The following GRTP1 variants were observed in gnomAD, a reference collection of about 807,000 sequenced individuals.
GRTP1 encodes the protein growth hormone-regulated TBC protein 1.
GRTP1 carries 56 observed loss-of-function variants against 38.1 expected under a neutral mutation model. That is an observed-to-expected ratio of 1.47 (90% CI 1.19 to 1.84). The LOEUF (loss-of-function observed/expected upper bound fraction) is 1.84. Among genes scored for constraint, GRTP1 ranks in the 40% most tolerant of loss-of-function variants. GRTP1 has a pLI of 0.00. For missense variants in GRTP1, 506 were observed against 453.9 expected (o/e 1.11, Z -1.04); for synonymous variants, 217 against 189.5 (o/e 1.14, Z -1.19).
intron 3 of GRTP1, 77 bp downstream of exon 3, chr13:113,355,246 G>A (rs1345319703): frequency 1.7e-5 from 25 of 1,496,674 alleles, no homozygotes; most frequent in Admixed American, 9.4e-5. Context: ...CCTGGACGCT[G>A]AGGCTAGACA....
rs867737776 is a variant in GRTP1 at position 113,346,036 on chromosome 13, A to T, written c.466-1077T>A. The stretch of plus-strand genomic sequence containing the variant: ...TGCGGCTGAGCAGACCTGGGAAGAC[A>T]TCTGTGGCCGAGAGCAGACCCGGGA... On this transcript the variant is annotated intron_variant, in intron 4 of 7. Coordinates refer to ENST00000375431, the MANE Select transcript of GRTP1 (RefSeq NM_024719.4). Among the ~76,000 whole-genome samples, 7 of 30,424 alleles carry T rather than the reference A, an allele frequency of 2.3e-4. No individual in the cohort carries two copies. In the South Asian group the frequency reaches 6.4e-3, roughly 28 times the overall value. The allele number at this position is 30,424 out of a possible 152,430, so 20.0% of individuals were successfully genotyped here.
chr13:113,332,497 A>G (rs2139413545), intron 5 of GRTP1, among the ~76,000 whole-genome samples: 1 of 152,088 alleles, frequency 6.6e-6, no homozygotes, highest in East Asian at 1.9e-4. Flanking sequence ...CTGCACACTC[A>G]CTGCCCCATC....
At position 113,343,601 on chromosome 13, in the gene GRTP1, G is replaced by C. The variant is rs1004318864; in HGVS notation, c.562+1262C>G. 4.6e-5 allele frequency among the ~76,000 whole-genome samples: 7 copies of C among 152,194 alleles called. No individual in the cohort carries two copies. The highest frequency in any genetic ancestry group is 1.7e-4 in the African/African-American group (7 of 41,436). ...GCTCTGCCATGTACAGCGGTGGTCA[G>C]GCCAGCACGCAAATTCTCCCGGCCT... On this transcript the variant is annotated intron_variant, in intron 5 of 7. Transcript: ENST00000375431. The surrounding 1 kb of genome is among the most constrained non-coding windows in gnomAD (Gnocchi z 4.8).
chr13:113,354,385 C>T (rs188073332), intron 3 of GRTP1, among the ~76,000 whole-genome samples: 1 of 152,304 alleles, frequency 6.6e-6, no homozygotes, highest in Admixed American at 6.5e-5. Context: ...CCTCCCCGTC[C>T]CGTCTTTCTA....
chr13:113,331,816 C>T (rs558791266), intron 5 of GRTP1, among the ~76,000 whole-genome samples: 4 of 151,144 alleles, frequency 2.6e-5, no homozygotes, highest in Non-Finnish European at 5.9e-5. Flanking sequence ...ACACCAGGCC[C>T]GGCTAATTTT....
intron 5 of GRTP1, among the ~76,000 whole-genome samples, chr13:113,341,131 G>C (rs1316340444): frequency 6.7e-6 from 1 of 149,544 alleles, no homozygotes; most frequent in South Asian, 2.1e-4. Context: ...ACTACAGCCT[G>C]TTCTAAACTC....
intron 2 of GRTP1, 179 bp from the exon 3 acceptor site, chr13:113,355,660 C>T: frequency 1.5e-6 from 1 of 650,040 alleles, no homozygotes; most frequent in Non-Finnish European, 2.4e-6. Flanking sequence ...ATTCTGCTCT[C>T]CTCTCCCTCT....
rs903096723 is a variant in GRTP1, at chr13:113,324,913, G to C, written c.922-336C>G. On this transcript the variant is annotated intron_variant, in intron 7 of 7. Coordinates refer to ENST00000375431, the MANE Select transcript of GRTP1 (RefSeq NM_024719.4). Reference sequence around the variant, plus strand: ...GCGATCTCGGCTCACTGCAACCTCCGCCTCCCAGGTTCAAGTGATTCTCGT... The same window carrying C: ...GCGATCTCGGCTCACTGCAACCTCCCCCTCCCAGGTTCAAGTGATTCTCGT... 6.1e-6 allele frequency: 4 copies of C among 655,226 alleles called. No homozygotes were observed. In the African/African-American group the frequency reaches 8.0e-5, roughly 13 times the overall value. The allele number at this position is 655,226 out of a possible 1,614,324, so 40.6% of individuals were successfully genotyped here.
chr13:113,343,851 C>T lies in GRTP1; in HGVS notation c.562+1012G>A, dbSNP rs1210053431. Among the ~76,000 whole-genome samples the T allele has an allele frequency of 6.6e-6, 1 of 152,196 alleles. No homozygotes were observed. Among genetic ancestry groups the T allele is most frequent in the Non-Finnish European group, 1.5e-5 (1 of 68,040 alleles). On this transcript the variant is annotated intron_variant, in intron 5 of 7. Coordinates refer to ENST00000375431, the MANE Select transcript of GRTP1 (RefSeq NM_024719.4). The surrounding 1 kb of genome is among the most constrained non-coding windows in gnomAD (Gnocchi z 4.8). Reference sequence around the variant, plus strand: ...ACGCAGCCCCCTTGACCCAGCACCACAGCCAGGCTGGGGAAGGGCAGAGTG... The same window carrying T: ...ACGCAGCCCCCTTGACCCAGCACCATAGCCAGGCTGGGGAAGGGCAGAGTG...
intron 4 of GRTP1, among the ~76,000 whole-genome samples, chr13:113,345,956 C>CAGAGAG (rs2043098969): frequency 1.3e-5 from 2 of 151,872 alleles, no homozygotes; most frequent in South Asian, 4.3e-4. Flanking sequence ...ACCTCTGTGG[C>CAGAGAG]CAAAAGCAGA....
At position 113,324,526 on chromosome 13, in the gene GRTP1, G is replaced by A. The variant is rs200353233; in HGVS notation, c.973C>T (p.Arg325Cys). The change falls in exon 8 of 8, where the codon CGC becomes TGC. Residue 325 changes from arginine to cysteine, a missense_variant. Arg to Cys is a radical substitution (Grantham distance 180). Transcript: ENST00000375431. ...SLSMATVAKL[R>C]ESCRARLLAQ... ...AGCAGCCGGGCCCTGCAGCTCTCGC[G>A]GAGCTTGGCGACGGTGGCCATGGAT... 59 of 1,611,870 alleles carry A rather than the reference G, an allele frequency of 3.7e-5. No individual in the cohort carries two copies. Among genetic ancestry groups the A allele is most frequent in the East Asian group, 1.3e-4 (6 of 44,790 alleles).
intron 2 of GRTP1, among the ~76,000 whole-genome samples, chr13:113,362,648 G>C (rs773549876): frequency 1.3e-5 from 2 of 152,050 alleles, no homozygotes; most frequent in Non-Finnish European, 2.9e-5. Flanking sequence ...AGCAAAAGTT[G>C]ATCTTGTCAC....
chr13:113,325,413 G>GT, intron 7 of GRTP1: 1 of 1,441,236 alleles, frequency 6.9e-7, no homozygotes, highest in Non-Finnish European at 9.0e-7. Flanking sequence ...CAGCAGATGA[G>GT]TACAGCCATT....
At chr13:113,345,811 C>A (rs1365747533) in intron 4 of GRTP1, among the ~76,000 whole-genome samples, 1 of 152,216 alleles carries the variant, frequency 6.6e-6, no homozygotes, top group East Asian at 1.9e-4. Context: ...TGGACCTCCC[C>A]TTAAAAACAG....
chr13:113,332,186 T>C (rs993653566), intron 5 of GRTP1, among the ~76,000 whole-genome samples: 1 of 151,960 alleles, frequency 6.6e-6, no homozygotes, highest in African/African-American at 2.4e-5. Context: ...ACTGTGAACA[T>C]TTCAGCACAT....
chr13:113,340,230 C>T (rs1595487517), intron 5 of GRTP1, among the ~76,000 whole-genome samples: 1 of 152,190 alleles, frequency 6.6e-6, no homozygotes, highest in East Asian at 1.9e-4. Flanking sequence ...AATCACAGCC[C>T]TTTGTGAGGC....
rs1203423889 is a variant in GRTP1, at chr13:113,364,072, C to A, written c.-21G>T. 1 of 1,253,512 alleles carries A rather than the reference C, an allele frequency of 8.0e-7. No homozygotes were observed. The highest frequency in any genetic ancestry group is 3.6e-5 in the South Asian group (1 of 27,486). 77.6% of individuals were successfully genotyped at this position (1,253,512 alleles called of 1,614,324 possible). ...TGCATGCGGGGAGGGAGGCGCGCAC[C>A]GAGCGAGGCCAGCGGGTCCCAAGTT... On this transcript the variant is annotated 5_prime_UTR_variant, in exon 1 of 8. Coordinates refer to ENST00000375431, the MANE Select transcript of GRTP1 (RefSeq NM_024719.4).
chr13:113,352,290 A>ATTTTATAT (rs1555318969), intron 3 of GRTP1, among the ~76,000 whole-genome samples: 1 of 48,468 alleles, frequency 2.1e-5, no homozygotes, highest in Admixed American at 3.2e-4. Flanking sequence ...ATTTATATAT[A>ATTTTATAT]TTTATATATA....
rs1325374099 is a variant in GRTP1 at position 113,325,809 on chromosome 13, C to G, written c.773G>C (p.Gly258Ala). The G allele has an allele frequency of 3.7e-6, 6 of 1,614,046 alleles. No individual in the cohort carries two copies. The highest frequency in any genetic ancestry group is 1.7e-5 in the Admixed American group (1 of 60,012). Residue 258 changes from glycine to alanine, a missense_variant, in exon 7 of 8, where the codon GGC (glycine) becomes GCC (alanine). By Grantham distance (60) the Gly-to-Ala change is moderately conservative (BLOSUM62 0). Coordinates refer to ENST00000375431, the MANE Select transcript of GRTP1 (RefSeq NM_024719.4). ...LRIWDCLFNE[G>A]SKIIFRVALT... The stretch of plus-strand genomic sequence containing the variant: ...GGCCACCCGGAAGATAATCTTCGAG[C>G]CTTCGTTAAACAAACAGTCCCAGAT...
Sources: gnomAD v4.1 joint callset for allele counts (sites outside exome capture counted in the v4.1 genomes callset) on GRCh38, gnomAD v4.1.1 for gene constraint, Gnocchi (gnomAD v3.1) non-coding constraint, MANE v1.5 for transcripts, NCBI Gene and HGNC (gene_info 2026-07-23, HGNC 2026-07-21) for gene names.